The following BACH1 variants were observed in gnomAD, a reference collection of about 807,000 sequenced individuals.
The protein encoded by BACH1 is BTB domain and CNC homolog 1.
BACH1 carries 35 observed loss-of-function variants against 52.9 expected under a neutral mutation model. The ratio of observed to expected loss-of-function variants is 0.66; its 90% CI spans 0.51 to 0.88. The LOEUF is 0.88. Among genes scored for constraint, BACH1 ranks in the 40% least tolerant of loss-of-function variants. The probability of loss-of-function intolerance (pLI) is 0.00; values close to 1 mark genes in which losing one functional copy is unlikely to be tolerated. For missense variants in BACH1, 808 were observed against 872.6 expected (o/e 0.93, Z 0.93); for synonymous variants, 321 against 319.6 (o/e 1.00, Z -0.05).
chr21:29,309,885 C>G (rs1339619296), intron 1 of BACH1, among the ~76,000 whole-genome samples: 1 of 152,162 alleles, frequency 6.6e-6, no homozygotes, highest in African/African-American at 2.4e-5. Context: ...CTTCGTGAGA[C>G]AGATAGGGTG....
chr21:29,309,298 A>C (rs1255552004), intron 1 of BACH1, among the ~76,000 whole-genome samples: 1 of 151,950 alleles, frequency 6.6e-6, no homozygotes, highest in African/African-American at 2.4e-5. Context: ...ATATTGATTA[A>C]TAAGGGGAAA....
chr21:29,358,597 G>A (rs1174356232), intron 2 of BACH1, among the ~76,000 whole-genome samples: 1 of 151,998 alleles, frequency 6.6e-6, no homozygotes, highest in African/African-American at 2.4e-5. Context: ...AAAATTAGTT[G>A]GGTGTGGTGG....
intron 1 of BACH1, among the ~76,000 whole-genome samples, chr21:29,316,144 T>C (rs555712423): frequency 3.3e-5 from 5 of 152,216 alleles, no homozygotes; most frequent in Non-Finnish European, 5.9e-5. Flanking sequence ...AGATGAAATA[T>C]TGTAGACCTG....
At chr21:29,359,528 C>T (rs1350331720) in intron 2 of BACH1, 2 of 151,042 alleles carry the variant, frequency 1.3e-5, no homozygotes, top group Non-Finnish European at 2.9e-5. Flanking sequence ...ATAACCACCA[C>T]CACGATTATA....
At chr21:29,339,079 A>G (rs1441195860) in intron 4 of BACH1, among the ~76,000 whole-genome samples, 4 of 152,222 alleles carry the variant, frequency 2.6e-5, no homozygotes, top group African/African-American at 9.6e-5. Flanking sequence ...GGGATCCTGC[A>G]GTGAATAACT....
At position 29,325,853 on chromosome 21, in the gene BACH1, T is replaced by C. The variant is rs529697665; in HGVS notation, c.235-206T>C. ...ATTAAGAGAGGACTCTATAAAATAG[T>C]GTGTGGTCCCTGTGAAAAGCATGCT... is the stretch of plus-strand genomic sequence containing the variant. On this transcript the variant is annotated intron_variant, in intron 2 of 4. Coordinates refer to ENST00000286800, the MANE Select transcript of BACH1 (RefSeq NM_001186.4). Among the ~76,000 whole-genome samples the C allele has an allele frequency of 3.0e-4, 46 of 152,288 alleles. 1 individual carries two copies. Among genetic ancestry groups the C allele is most frequent in the Admixed American group, 2.6e-3 (40 of 15,296 alleles).
At chr21:29,300,131 C>T (rs1214809910) in intron 1 of BACH1, 2 of 152,190 alleles carry the variant, frequency 1.3e-5, no homozygotes, top group Non-Finnish European at 2.9e-5. Context: ...CTTGCCACTT[C>T]TGCCTTTGGA....
intron 1 of BACH1, among the ~76,000 whole-genome samples, chr21:29,311,719 T>G (rs949890758): frequency 6.6e-6 from 1 of 152,160 alleles, no homozygotes; most frequent in African/African-American, 2.4e-5. Context: ...TCTAAACACT[T>G]TTTTTCTATT....
chr21:29,330,135 C>T (rs2088963379), intron 4 of BACH1, among the ~76,000 whole-genome samples: 1 of 152,026 alleles, frequency 6.6e-6, no homozygotes, highest in Non-Finnish European at 1.5e-5. Flanking sequence ...CTAATGGGAT[C>T]CTAAGTGAGA....
At chr21:29,357,965 A>C (rs1285578802) in intron 2 of BACH1, among the ~76,000 whole-genome samples, 1 of 151,972 alleles carries the variant, frequency 6.6e-6, no homozygotes, top group South Asian at 2.1e-4. Context: ...CGCTTCTCCC[A>C]CTCACCTAGT....
intron 4 of BACH1, among the ~76,000 whole-genome samples, chr21:29,339,729 C>G (rs990186462): frequency 6.7e-6 from 1 of 150,060 alleles, no homozygotes; most frequent in African/African-American, 2.5e-5. Flanking sequence ...GTCTCCCAGG[C>G]TCAAGTGATT....
intron 1 of BACH1, among the ~76,000 whole-genome samples, chr21:29,301,811 C>T (rs1003418349): frequency 1.3e-5 from 2 of 151,990 alleles, no homozygotes; most frequent in African/African-American, 4.8e-5. Context: ...AGCTTATGTT[C>T]TCTTAAGATT....
intron 2 of BACH1, chr21:29,352,780 C>T (rs1280356712): frequency 1.3e-5 from 2 of 151,798 alleles, no homozygotes; most frequent in African/African-American, 4.8e-5. Flanking sequence ...GGCATGATCT[C>T]AGCTCACTGC....
rs749152424 is a variant in BACH1 at position 29,329,498 on chromosome 21, A to C, written c.1581A>C (p.Pro527=). The part of the protein sequence containing the change: ...AREQECEVKL[P]FNAQRIISLS... Reference sequence around the variant, plus strand: ...ATTTCATATTCTAGGTAAAACTGCCATTCAATGCACAACGGATAATTTCAC... The same window carrying C: ...ATTTCATATTCTAGGTAAAACTGCCCTTCAATGCACAACGGATAATTTCAC... The change falls in exon 4 of 5, where the codon CCA becomes CCC. Residue 527 remains proline, a synonymous_variant. Coordinates refer to ENST00000286800, the MANE Select transcript of BACH1 (RefSeq NM_001186.4). 18 of 1,563,640 alleles carry C rather than the reference A, an allele frequency of 1.2e-5. No individual in the cohort carries two copies. Among genetic ancestry groups the C allele is most frequent in the Non-Finnish European group, 1.5e-5 (17 of 1,158,814 alleles).
chr21:29,342,710 G>A lies in BACH1; in HGVS notation c.2088G>A (p.Gln696=). The change falls in exon 5 of 5, where the codon CAG becomes CAA. Residue 696 remains glutamine (Q), a synonymous_variant. Coordinates refer to ENST00000286800, the MANE Select transcript of BACH1 (RefSeq NM_001186.4). ...GTGAGCCTGGCTACGCGCGAGGGCA[G>A]GAGTCCCAGCAGATGTCCACAGCCA... is the stretch of plus-strand genomic sequence containing the variant. ...GNSEPGYARG[Q]ESQQMSTATS... The A allele has an allele frequency of 3.7e-6, 6 of 1,614,230 alleles. No individual in the cohort carries two copies. Among genetic ancestry groups the A allele is most frequent in the Non-Finnish European group, 5.1e-6 (6 of 1,180,048 alleles).
chr21:29,324,327 A>G (rs1185839595), intron 2 of BACH1, among the ~76,000 whole-genome samples: 6 of 151,020 alleles, frequency 4.0e-5, no homozygotes, highest in African/African-American at 1.5e-4. Flanking sequence ...CCTACACTCC[A>G]TGCCCTCATC....
At chr21:29,337,425 T>C (rs1208640835) in intron 4 of BACH1, among the ~76,000 whole-genome samples, 1 of 152,120 alleles carries the variant, frequency 6.6e-6, no homozygotes, top group Non-Finnish European at 1.5e-5. Context: ...AAATCCTGAG[T>C]TTATGTAGTA....
chr21:29,311,829 A>G (rs1262625899), intron 1 of BACH1, among the ~76,000 whole-genome samples: 2 of 152,138 alleles, frequency 1.3e-5, no homozygotes, highest in Non-Finnish European at 2.9e-5. Flanking sequence ...TCTGTCTCCC[A>G]GCCTGCTTTA....
chr21:29,329,533 A>G lies in BACH1; in HGVS notation c.1616A>G (p.Asn539Ser). Residue 539 changes from asparagine to serine, a missense_variant, in exon 4 of 5, where the codon AAT (asparagine) becomes AGT (serine). Physicochemically the swap from Asn to Ser is conservative, Grantham distance 46. Transcript: ENST00000286800. ...CAACGGATAATTTCACTGTCTCGAA[A>G]TGATTTTCAGTCCTTGTTGAAAATG... ...NAQRIISLSRNDFQSLLKMHK... is the reference protein window; with the variant it reads ...NAQRIISLSRSDFQSLLKMHK... 3 of 1,600,854 alleles carry G rather than the reference A, an allele frequency of 1.9e-6. No homozygotes were observed. Among genetic ancestry groups the G allele is most frequent in the South Asian group, 1.1e-5 (1 of 87,972 alleles).
Sources: gnomAD v4.1 joint callset for allele counts (sites outside exome capture counted in the v4.1 genomes callset) on GRCh38, gnomAD v4.1.1 for gene constraint, MANE v1.5 for transcripts, NCBI Gene and HGNC (gene_info 2026-07-23, HGNC 2026-07-21) for gene names.